Variants in DENND2B observed in about 807,000 individuals in gnomAD.
The protein encoded by DENND2B is DENN domain-containing protein 2B.
A neutral mutation model predicts 116.0 loss-of-function variants in DENND2B; 32 were observed. The ratio of observed to expected loss-of-function variants is 0.28; its 90% CI spans 0.21 to 0.37. The LOEUF (loss-of-function observed/expected upper bound fraction) is 0.37. Among genes scored for constraint, DENND2B ranks in the 10% least tolerant of loss-of-function variants. The pLI is 1.00. For synonymous variants in DENND2B, 588 were observed against 583.9 expected, an observed-to-expected ratio of 1.01 and a Z score of -0.10; for missense variants, 1,276 against 1,477.7, an observed-to-expected ratio of 0.86 and a Z score of 2.24.
chr11:8,782,064 C>A (rs1416168726), intron 1 of DENND2B, among the ~76,000 whole-genome samples: 1 of 152,214 alleles, frequency 6.6e-6, no homozygotes, highest in Non-Finnish European at 1.5e-5. Context: ...CACTTCCATT[C>A]CTAGGTAGCT....
At chr11:8,807,309 GC>G (rs768209975) in intron 1 of DENND2B, among the ~76,000 whole-genome samples, 2 of 152,192 alleles carry the variant, frequency 1.3e-5, no homozygotes, top group Non-Finnish European at 2.9e-5. Context: ...GAAGGCCCAG[GC>G]CTCAGAGCCT....
At chr11:8,824,049 C>T (rs1304850178) in intron 4 of DENND2B, among the ~76,000 whole-genome samples, 1 of 151,678 alleles carries the variant, frequency 6.6e-6, no homozygotes, top group Non-Finnish European at 1.5e-5. Flanking sequence ...ACTACAGGTG[C>T]CCACCACCAC....
chr11:8,788,958 C>G (rs1483539064), intron 1 of DENND2B, among the ~76,000 whole-genome samples: 2 of 152,220 alleles, frequency 1.3e-5, no homozygotes, highest in Non-Finnish European at 2.9e-5. Context: ...ACAAATGGAT[C>G]CATCTCAAAT....
intron 1 of DENND2B, among the ~76,000 whole-genome samples, chr11:8,773,027 C>T (rs1332599044): frequency 4.6e-5 from 7 of 152,158 alleles, no homozygotes; most frequent in African/African-American, 7.2e-5. Context: ...TGCTTTTACA[C>T]AAATCCAGCT....
intron 8 of DENND2B, among the ~76,000 whole-genome samples, chr11:8,713,003 C>A (rs2044046398): frequency 6.6e-6 from 1 of 152,184 alleles, no homozygotes. Context: ...CGAGGCCAGG[C>A]AAACCCAGGG....
At position 8,718,649 on chromosome 11, in the gene DENND2B, G is replaced by C. The variant is rs573311793; in HGVS notation, c.1478-757C>G. ...ACTCTCCTGCTGTGACACAGGGGAGGTGTGAAAGGCTTGGAAGGAGTCTGG... is the reference window on the plus strand; with the variant it reads ...ACTCTCCTGCTGTGACACAGGGGAGCTGTGAAAGGCTTGGAAGGAGTCTGG... On this transcript the variant is annotated intron_variant, in intron 4 of 19. Transcript: ENST00000313726. 44 of 1,280,790 alleles carry C rather than the reference G, an allele frequency of 3.4e-5. No homozygotes were observed. In the South Asian group the frequency reaches 9.2e-4, roughly 27 times the overall value. 79.3% of individuals were successfully genotyped at this position (1,280,790 alleles called of 1,614,324 possible).
chr11:8,860,398 C>A (rs190514210), intron 2 of DENND2B, among the ~76,000 whole-genome samples: 11 of 152,182 alleles, frequency 7.2e-5, no homozygotes, highest in Admixed American at 7.2e-4. Flanking sequence ...TATATACCAA[C>A]AACCACCAAG....
intron 4 of DENND2B, among the ~76,000 whole-genome samples, chr11:8,836,220 A>C (rs2062419693): frequency 6.6e-6 from 1 of 151,500 alleles, no homozygotes; most frequent in Non-Finnish European, 1.5e-5. Context: ...GCAAAATAAC[A>C]GAGAAGTCCT....
chr11:8,716,628 G>C (rs2044852327), intron 5 of DENND2B, among the ~76,000 whole-genome samples: 1 of 151,120 alleles, frequency 6.6e-6, no homozygotes, highest in Admixed American at 6.6e-5. Context: ...TGTTTGAAAA[G>C]AGTCCTAATT....
chr11:8,767,618 G>C (rs56210063), intron 1 of DENND2B, among the ~76,000 whole-genome samples: 8,357 of 152,192 alleles, frequency 0.055, 369 homozygotes, highest in East Asian at 0.18. Context: ...ATGAGGCAAT[G>C]ACAGTGGTCT....
At chr11:8,766,505 C>T (rs1289560154) in intron 1 of DENND2B, 1 of 792,832 alleles carries the variant, frequency 1.3e-6, no homozygotes, top group Non-Finnish European at 1.8e-6. Flanking sequence ...CAGACTTGGG[C>T]AATGTCCACA....
chr11:8,839,104 A>G (rs2062534217), intron 4 of DENND2B, among the ~76,000 whole-genome samples: 1 of 152,258 alleles, frequency 6.6e-6, no homozygotes, highest in African/African-American at 2.4e-5. Flanking sequence ...ATTTGGCCTA[A>G]CAGAAGCTAG....
At chr11:8,841,691 C>A (rs2062628729) in intron 3 of DENND2B, among the ~76,000 whole-genome samples, 1 of 152,158 alleles carries the variant, frequency 6.6e-6, no homozygotes, top group Non-Finnish European at 1.5e-5. Context: ...CCATATGCCA[C>A]ATTTCTCCCA....
chr11:8,754,029 G>GCACACA lies in DENND2B; in HGVS notation c.-25-3310_-25-3305dup, dbSNP rs60488372. Among the ~76,000 whole-genome samples, 499 of 138,822 alleles carry GCACACA rather than the reference G, an allele frequency of 3.6e-3. 3 individuals are homozygous for GCACACA. Among genetic ancestry groups the GCACACA allele is most frequent in the African/African-American group, 0.012 (424 of 36,614 alleles). 91.1% of individuals were successfully genotyped at this position (138,822 alleles called of 152,430 possible). On this transcript the variant is annotated intron_variant, in intron 1 of 19. Coordinates refer to ENST00000313726, the MANE Select transcript of DENND2B (RefSeq NM_213618.2). Reference sequence around the variant, plus strand: ...TTCTTAGATATAACACCAAAAGCGCGCACACACACACACACACACACACAC... The same window carrying GCACACA: ...TTCTTAGATATAACACCAAAAGCGCGCACACACACACACACACACACACACACACAC...
At chr11:8,857,749 T>C (rs2063245298) in intron 2 of DENND2B, among the ~76,000 whole-genome samples, 1 of 152,206 alleles carries the variant, frequency 6.6e-6, no homozygotes, top group African/African-American at 2.4e-5. Flanking sequence ...TCAAAACACC[T>C]GGATGCCAGA....
At chr11:8,721,133 G>C (rs953129877) in intron 4 of DENND2B, among the ~76,000 whole-genome samples, 1 of 151,744 alleles carries the variant, frequency 6.6e-6, no homozygotes, top group African/African-American at 2.4e-5. Flanking sequence ...TGAAATAAGG[G>C]ACAAAAGGCA....
chr11:8,717,987 C>T lies in DENND2B; in HGVS notation c.1478-95G>A, dbSNP rs1335421151. ...AATAAACAAGCAGAATTCCTGTGAA[C>T]CAAAGAGAATGGCTTCTGCCTGGCC... On this transcript the variant is annotated intron_variant, in intron 4 of 19. Coordinates refer to ENST00000313726, the MANE Select transcript of DENND2B (RefSeq NM_213618.2). The T allele has an allele frequency of 8.3e-6, 12 of 1,449,438 alleles. No individual in the cohort carries two copies. In the Admixed American group the frequency reaches 1.9e-4, roughly 23 times the overall value. The allele number at this position is 1,449,438 out of a possible 1,614,324, so 89.8% of individuals were successfully genotyped here.
At chr11:8,734,918 T>G (rs945192679) in intron 2 of DENND2B, among the ~76,000 whole-genome samples, 1 of 150,564 alleles carries the variant, frequency 6.6e-6, no homozygotes, top group Non-Finnish European at 1.5e-5. Context: ...ATTACTCATA[T>G]TCACAAGGGG....
chr11:8,785,243 T>C (rs1268744724), intron 1 of DENND2B: 1 of 152,202 alleles, frequency 6.6e-6, no homozygotes, highest in South Asian at 2.1e-4. Flanking sequence ...AATCCTGAAT[T>C]TGCCGTGTCA....
Sources: gnomAD v4.1 joint callset for allele counts (sites outside exome capture counted in the v4.1 genomes callset) on GRCh38, gnomAD v4.1.1 for gene constraint, MANE v1.5 for transcripts, NCBI Gene and HGNC (gene_info 2026-07-23, HGNC 2026-07-21) for gene names.